RAD51B: variants seen among roughly 807,000 people sequenced by gnomAD.
The protein encoded by RAD51B is DNA repair protein RAD51 homolog 2.
A neutral mutation model predicts 42.2 loss-of-function variants in RAD51B; 38 were observed. The observed-to-expected ratio is 0.90, with a 90% CI of 0.70 to 1.18. The LOEUF (loss-of-function observed/expected upper bound fraction) is 1.18, where lower values mean the gene tolerates loss of function less well. Among genes scored for constraint, RAD51B ranks in the 50% most tolerant of loss-of-function variants. The pLI, the probability that RAD51B is intolerant of heterozygous loss-of-function variation, is 0.00. For synonymous variants in RAD51B, 154 were observed against 145.2 expected (o/e 1.06, Z -0.43); for missense variants, 373 against 400.7 (o/e 0.93, Z 0.59).
chr14:68,261,014 C>T (rs1261805960), intron 7 of RAD51B, among the ~76,000 whole-genome samples: 2 of 152,206 alleles, frequency 1.3e-5, no homozygotes, highest in South Asian at 2.1e-4. Context: ...GGCTAGAATG[C>T]TCCTTTTAAT....
At chr14:68,126,943 G>A (rs1436739013) in intron 7 of RAD51B, among the ~76,000 whole-genome samples, 1 of 152,156 alleles carries the variant, frequency 6.6e-6, no homozygotes, top group Non-Finnish European at 1.5e-5. Context: ...CTTCAGAACT[G>A]AAATAATTTA....
intron 7 of RAD51B, among the ~76,000 whole-genome samples, chr14:68,052,293 A>G (rs940724235): frequency 2.6e-5 from 4 of 152,216 alleles, no homozygotes. Context: ...CAACAATAAT[A>G]GTAATAATAA....
downstream of RAD51B, among the ~76,000 whole-genome samples, chr14:68,612,653 A>T (rs1405261272): frequency 6.6e-6 from 1 of 152,082 alleles, no homozygotes; most frequent in Admixed American, 6.6e-5. Context: ...ATGGATACAA[A>T]GTTTCTGTTT....
chr14:68,669,161 C>T (rs1013508053), intron 11 of RAD51B, among the ~76,000 whole-genome samples: 1 of 152,250 alleles, frequency 6.6e-6, no homozygotes, highest in Non-Finnish European at 1.5e-5. Flanking sequence ...TATTTTCAGA[C>T]TGTTGGAAAC....
chr14:67,862,987 T>C (rs999312251), intron 4 of RAD51B, among the ~76,000 whole-genome samples: 1 of 152,116 alleles, frequency 6.6e-6, no homozygotes, highest in Non-Finnish European at 1.5e-5. Flanking sequence ...ATTGCTTTTT[T>C]TGGCTGGTTT....
At chr14:68,561,955 C>T (rs1041759125) in intron 10 of RAD51B, 1 of 985,408 alleles carries the variant, frequency 1.0e-6, no homozygotes, top group Non-Finnish European at 1.2e-6. Flanking sequence ...TCAGCATGGT[C>T]CTTGTGGCAG....
At chr14:68,210,956 C>T (rs1384744326) in intron 7 of RAD51B, among the ~76,000 whole-genome samples, 6 of 152,192 alleles carry the variant, frequency 3.9e-5, no homozygotes, top group East Asian at 1.9e-4. Context: ...ATTTCATTTT[C>T]GCATTCCATT....
intron 4 of RAD51B, among the ~76,000 whole-genome samples, chr14:67,859,323 C>G (rs1245869517): frequency 1.3e-5 from 2 of 152,102 alleles, no homozygotes; most frequent in Non-Finnish European, 2.9e-5. Flanking sequence ...AAATTGTGTG[C>G]AATACTAATA....
At chr14:68,497,403 A>T in intron 10 of RAD51B, 5 of 1,136,706 alleles carry the variant, frequency 4.4e-6, no homozygotes, top group Non-Finnish European at 5.4e-6. Flanking sequence ...CTGATTTGAT[A>T]CCATGGCACT....
At chr14:68,356,982 CAAAAAAAAAAA>C (rs34774624) in intron 8 of RAD51B, among the ~76,000 whole-genome samples, 2 of 92,312 alleles carry the variant, frequency 2.2e-5, no homozygotes, top group Non-Finnish European at 4.1e-5. Flanking sequence ...GACTCCGTCT[CAAAAAAAAAAA>C]AAAAAAAAAA....
intron 5 of RAD51B, among the ~76,000 whole-genome samples, chr14:67,882,509 C>T (rs1043033357): frequency 6.6e-6 from 1 of 152,136 alleles, no homozygotes; most frequent in African/African-American, 2.4e-5. Context: ...TATCTGAATT[C>T]TGAGCTTTCC....
At chr14:68,126,902 A>G (rs2077772366) in intron 7 of RAD51B, among the ~76,000 whole-genome samples, 1 of 152,206 alleles carries the variant, frequency 6.6e-6, no homozygotes, top group Non-Finnish European at 1.5e-5. Context: ...TAAAGACTTT[A>G]AAGTAGCTGA....
intron 7 of RAD51B, among the ~76,000 whole-genome samples, chr14:68,123,562 C>G (rs1412215428): frequency 6.6e-6 from 1 of 152,038 alleles, no homozygotes; most frequent in Admixed American, 6.6e-5. Context: ...AATCCCAGCA[C>G]TTTGGGAGGC....
chr14:68,442,783 G>GTGA (rs2085331651), intron 9 of RAD51B, among the ~76,000 whole-genome samples: 1 of 143,014 alleles, frequency 7.0e-6, no homozygotes, highest in Non-Finnish European at 1.6e-5. Flanking sequence ...ATGCTAACCT[G>GTGA]TGATATTATT....
At chr14:68,257,567 T>C (rs1189586835) in intron 7 of RAD51B, among the ~76,000 whole-genome samples, 1 of 152,036 alleles carries the variant, frequency 6.6e-6, no homozygotes. Flanking sequence ...TACATAATGT[T>C]AAGCAATTAA....
chr14:68,047,780 A>G lies in RAD51B; in HGVS notation c.756+160576A>G, dbSNP rs768610896. Among the ~76,000 whole-genome samples the G allele has an allele frequency of 3.9e-5, 6 of 152,204 alleles. No homozygotes were observed. In the South Asian group the frequency reaches 1.0e-3, roughly 26 times the overall value. ...TACAAATGAGTCTACTGCTTTAAGTAGGCTTCACTGTATGAAGAAAATGCA... is the reference window on the plus strand; with the variant it reads ...TACAAATGAGTCTACTGCTTTAAGTGGGCTTCACTGTATGAAGAAAATGCA... On this transcript the variant is annotated intron_variant, in intron 7 of 10. Coordinates refer to ENST00000471583, the MANE Select transcript of RAD51B (RefSeq NM_133510.4).
At chr14:67,886,376 C>G (rs978836981) in intron 6 of RAD51B, among the ~76,000 whole-genome samples, 4 of 152,072 alleles carry the variant, frequency 2.6e-5, no homozygotes, top group Non-Finnish European at 5.9e-5. Flanking sequence ...AGCTGGTGGC[C>G]AGGGCTGCAG....
intron 8 of RAD51B, among the ~76,000 whole-genome samples, chr14:68,372,450 G>C (rs2083284031): frequency 6.6e-6 from 1 of 152,084 alleles, no homozygotes; most frequent in Non-Finnish European, 1.5e-5. Flanking sequence ...GGAGAGGAAA[G>C]GATAGGTAAC....
chr14:68,378,838 A>C (rs529866648), intron 8 of RAD51B, among the ~76,000 whole-genome samples: 1 of 152,298 alleles, frequency 6.6e-6, no homozygotes, highest in South Asian at 2.1e-4. Context: ...CATAATTTGC[A>C]GAATGCTCTC....
Sources: gnomAD v4.1 joint callset for allele counts (sites outside exome capture counted in the v4.1 genomes callset) on GRCh38, gnomAD v4.1.1 for gene constraint, MANE v1.5 for transcripts, NCBI Gene and HGNC (gene_info 2026-07-23, HGNC 2026-07-21) for gene names.